CACNA2D3: variants seen among roughly 807,000 people sequenced by gnomAD.
CACNA2D3 encodes the protein calcium voltage-gated channel auxiliary subunit alpha2delta 3.
In CACNA2D3, 60 loss-of-function variants were observed where a neutral mutation model predicts 160.6. The ratio of observed to expected loss-of-function variants is 0.37; its 90% CI spans 0.30 to 0.46. The LOEUF is 0.46. Ranked by LOEUF, CACNA2D3 falls within the 20% of genes least tolerant of loss-of-function variation. The probability of loss-of-function intolerance (pLI) is 1.00; values close to 1 mark genes in which losing one functional copy is unlikely to be tolerated. For missense variants in CACNA2D3, 1,205 were observed against 1,365.0 expected (o/e 0.88, Z 1.85); for synonymous variants, 558 against 492.9 (o/e 1.13, Z -1.75).
At position 54,895,791 on chromosome 3, in the gene CACNA2D3, A is replaced by C. The variant is rs145587189; in HGVS notation, c.2247-958A>C. 6.4e-3 allele frequency among the ~76,000 whole-genome samples: 967 copies of C among 152,238 alleles called. 17 individuals carry two copies. Among genetic ancestry groups the C allele is most frequent in the African/African-American group, 0.021 (873 of 41,550 alleles). On this transcript the variant is annotated intron_variant, in intron 25 of 37. Transcript: ENST00000474759. Reference sequence around the variant, plus strand: ...GAGTTGCACCGTATCAGCCAAGATGAGGCGCTTCAGGTGCTGGACAGCACA... The same window carrying C: ...GAGTTGCACCGTATCAGCCAAGATGCGGCGCTTCAGGTGCTGGACAGCACA...
intron 35 of CACNA2D3, among the ~76,000 whole-genome samples, chr3:55,030,251 G>T (rs1280479358): frequency 6.6e-6 from 1 of 152,100 alleles, no homozygotes; most frequent in Non-Finnish European, 1.5e-5. Flanking sequence ...CTGCATCTCA[G>T]AAACATGGTA....
chr3:54,555,240 T>G (rs988831774), intron 5 of CACNA2D3, among the ~76,000 whole-genome samples: 1 of 152,212 alleles, frequency 6.6e-6, no homozygotes, highest in Non-Finnish European at 1.5e-5. Flanking sequence ...TGAAGCCTTT[T>G]GTATGTGCCA....
intron 27 of CACNA2D3, among the ~76,000 whole-genome samples, chr3:54,912,986 A>G (rs1273764471): frequency 6.6e-6 from 1 of 152,172 alleles, no homozygotes; most frequent in Non-Finnish European, 1.5e-5. Context: ...TCAGGGTCTC[A>G]GTGGAAGGCA....
intron 12 of CACNA2D3, among the ~76,000 whole-genome samples, chr3:54,763,332 A>G (rs537529329): frequency 2.6e-5 from 4 of 152,216 alleles, no homozygotes; most frequent in African/African-American, 9.6e-5. Flanking sequence ...CGGTCATCTT[A>G]TCTTTAAAAT....
intron 6 of CACNA2D3, among the ~76,000 whole-genome samples, chr3:54,566,789 G>T (rs1226917293): frequency 1.3e-5 from 2 of 152,186 alleles, no homozygotes; most frequent in Non-Finnish European, 2.9e-5. Context: ...CTTGCACTAT[G>T]ATTTGGCTGC....
chr3:54,775,587 T>G (rs1702411156), intron 13 of CACNA2D3, among the ~76,000 whole-genome samples: 1 of 152,206 alleles, frequency 6.6e-6, no homozygotes, highest in Non-Finnish European at 1.5e-5. Context: ...CCCTTTAGTT[T>G]ACAACAGAGT....
chr3:54,841,630 C>T (rs184984887), intron 16 of CACNA2D3, among the ~76,000 whole-genome samples: 150 of 152,338 alleles, frequency 9.8e-4, no homozygotes, highest in African/African-American at 2.8e-3. Flanking sequence ...GCTCTTGGCT[C>T]TTGGGGTTTT....
intron 2 of CACNA2D3, among the ~76,000 whole-genome samples, chr3:54,143,863 G>A (rs1024866815): frequency 6.6e-6 from 1 of 152,016 alleles, no homozygotes; most frequent in Non-Finnish European, 1.5e-5. Flanking sequence ...ATGTATATTT[G>A]TGTATATGTA....
At chr3:54,199,891 T>C (rs2107348028) in intron 2 of CACNA2D3, among the ~76,000 whole-genome samples, 1 of 152,330 alleles carries the variant, frequency 6.6e-6, no homozygotes, top group East Asian at 1.9e-4. Flanking sequence ...CAGAAAACTG[T>C]GATCTCAGGG....
At chr3:54,928,080 C>A (rs889187266) in intron 27 of CACNA2D3, 2 of 647,498 alleles carry the variant, frequency 3.1e-6, no homozygotes, top group Admixed American at 4.9e-5. Flanking sequence ...TTCAAAAGAC[C>A]ATTTATTTAA....
intron 9 of CACNA2D3, among the ~76,000 whole-genome samples, chr3:54,611,424 A>G (rs1330643510): frequency 6.6e-6 from 1 of 152,232 alleles, no homozygotes; most frequent in Non-Finnish European, 1.5e-5. Flanking sequence ...CAGACTGTGA[A>G]TGACTTCTCT....
At chr3:54,731,573 G>T (rs1307342580) in intron 11 of CACNA2D3, among the ~76,000 whole-genome samples, 1 of 152,120 alleles carries the variant, frequency 6.6e-6, no homozygotes, top group East Asian at 1.9e-4. Flanking sequence ...TCCAGAACAT[G>T]TCTGGGGCTC....
At chr3:54,376,836 C>G (rs1196302676) in intron 3 of CACNA2D3, among the ~76,000 whole-genome samples, 2 of 152,150 alleles carry the variant, frequency 1.3e-5, no homozygotes, top group Non-Finnish European at 2.9e-5. Flanking sequence ...CCTGGACCAA[C>G]ACGATATATT....
chr3:54,288,510 C>T (rs1275168878), intron 2 of CACNA2D3, among the ~76,000 whole-genome samples: 1 of 152,182 alleles, frequency 6.6e-6, no homozygotes. Flanking sequence ...GGAGCTGGTA[C>T]CATTCCTTCT....
intron 11 of CACNA2D3, among the ~76,000 whole-genome samples, chr3:54,677,936 G>A (rs775439745): frequency 6.6e-6 from 1 of 152,158 alleles, no homozygotes; most frequent in African/African-American, 2.4e-5. Context: ...TTAGAGTCCT[G>A]AGGGACACAT....
intron 2 of CACNA2D3, among the ~76,000 whole-genome samples, chr3:54,191,859 G>C (rs901468884): frequency 5.9e-5 from 9 of 152,304 alleles, no homozygotes; most frequent in South Asian, 2.1e-4. Flanking sequence ...TCAATGAAGG[G>C]CCCCAAAAGC....
chr3:54,582,965 T>G (rs1268819751), intron 9 of CACNA2D3, among the ~76,000 whole-genome samples: 1 of 152,144 alleles, frequency 6.6e-6, no homozygotes, highest in African/African-American at 2.4e-5. Context: ...AGCTTCATAT[T>G]TAGGAGGGAG....
intron 13 of CACNA2D3, among the ~76,000 whole-genome samples, chr3:54,810,117 G>A (rs1044747827): frequency 7.9e-5 from 12 of 152,182 alleles, no homozygotes; most frequent in African/African-American, 1.9e-4. Flanking sequence ...GAGAATTGAC[G>A]TGAAGTTGTC....
At chr3:54,401,979 A>G (rs1037503953) in intron 4 of CACNA2D3, among the ~76,000 whole-genome samples, 2 of 152,222 alleles carry the variant, frequency 1.3e-5, no homozygotes, top group African/African-American at 4.8e-5. Flanking sequence ...AAATTCTGAC[A>G]TCAAAAATAT....
Sources: allele counts gnomAD v4.1 joint callset (sites outside exome capture counted in the v4.1 genomes callset), GRCh38; gene constraint gnomAD v4.1.1; transcripts MANE v1.5; gene names NCBI Gene and HGNC (gene_info 2026-07-23, HGNC 2026-07-21).